The following FREM1 variants were observed in gnomAD, a reference collection of about 807,000 sequenced individuals.
FREM1 encodes the protein FRAS1 related extracellular matrix 1.
Under a neutral mutation model 210.1 loss-of-function variants are expected in FREM1, and 220 were observed. That is an observed-to-expected ratio of 1.05 (90% CI 0.94 to 1.17). The LOEUF is 1.17. FREM1 is among the 50% of genes most tolerant of loss of function. The probability of loss-of-function intolerance (pLI) is 0.00; values close to 1 mark genes in which losing one functional copy is unlikely to be tolerated. For missense variants in FREM1, 3,454 were observed against 2,675.5 expected (o/e 1.29, Z -6.42); for synonymous variants, 1,189 against 980.2 (o/e 1.21, Z -3.98).
intron 1 of FREM1, among the ~76,000 whole-genome samples, chr9:14,883,848 C>T (rs926544623): frequency 6.6e-6 from 1 of 152,202 alleles, no homozygotes; most frequent in Non-Finnish European, 1.5e-5. Context: ...TGGGCACCCT[C>T]AGGGTCGGCA....
chr9:14,771,223 A>G (rs1315482197), intron 25 of FREM1, among the ~76,000 whole-genome samples: 1 of 152,208 alleles, frequency 6.6e-6, no homozygotes, highest in East Asian at 1.9e-4. Context: ...TGTTAACTCC[A>G]CAGAAGAACT....
intron 2 of FREM1, among the ~76,000 whole-genome samples, chr9:14,867,183 C>T (rs1176523348): frequency 6.6e-6 from 1 of 152,144 alleles, no homozygotes; most frequent in African/African-American, 2.4e-5. Context: ...CGACCCCAGT[C>T]CCTGTAGTTG....
At chr9:14,887,660 A>G (rs932916579) in intron 1 of FREM1, among the ~76,000 whole-genome samples, 1 of 152,126 alleles carries the variant, frequency 6.6e-6, no homozygotes, top group African/African-American at 2.4e-5. Context: ...AACAATTTTT[A>G]GTCTCCCCTA....
intron 1 of FREM1, among the ~76,000 whole-genome samples, chr9:14,898,594 C>T (rs148816652): frequency 0.015 from 2,333 of 152,156 alleles, 28 homozygotes; most frequent in African/African-American, 0.033. Flanking sequence ...ATACAAAAAT[C>T]AGCCAGGCAT....
At chr9:14,789,227 G>T in intron 22 of FREM1, 113 bp from the exon 23 acceptor site, 3 of 625,394 alleles carry the variant, frequency 4.8e-6, no homozygotes, top group South Asian at 4.9e-5. Flanking sequence ...AATATTTCAG[G>T]GAAATTCCAG....
rs200074353 is a variant in FREM1, at chr9:14,812,770, T to C, written c.2893+42A>G. 55 of 1,564,212 alleles carry C rather than the reference T, an allele frequency of 3.5e-5. No individual in the cohort carries two copies. The African/African-American group carries it at 7.1e-4, about 20-fold the overall frequency. On this transcript the variant is annotated intron_variant, in intron 16 of 36. Coordinates refer to ENST00000380880, the MANE Select transcript of FREM1 (RefSeq NM_001379081.2). ...CCACACTGAGGAGTGGAGACTCTCA[T>C]GTTGCTTGCATTCCCTCACTGGTCA...
intron 27 of FREM1, among the ~76,000 whole-genome samples, chr9:14,767,959 C>A (rs1458352195): frequency 5.3e-5 from 8 of 152,054 alleles, no homozygotes; most frequent in Admixed American, 3.9e-4. Context: ...TAATAGCCAA[C>A]AAAAGCAGGA....
rs1821870424 is a variant in FREM1, at chr9:14,824,063, TAACTAC to T, written c.2125_2130del (p.Val709_Val710del). 1 of 1,593,416 alleles carries T rather than the reference TAACTAC, an allele frequency of 6.3e-7. No homozygotes were observed. The highest frequency in any genetic ancestry group is 8.6e-7 in the Non-Finnish European group (1 of 1,168,882). On this transcript the variant is annotated inframe_deletion, in exon 12 of 37. Transcript: ENST00000380880. ...CTCAGCTCCAGGGCCGTAGGATTCTTAACTACTTTTGGTATGCTGTCCACCATAAAT... is the reference window on the plus strand; with the variant it reads ...CTCAGCTCCAGGGCCGTAGGATTCTTTTTTGGTATGCTGTCCACCATAAAT...
intron 24 of FREM1, among the ~76,000 whole-genome samples, chr9:14,782,793 C>T (rs892570746): frequency 1.3e-5 from 2 of 152,198 alleles, no homozygotes; most frequent in South Asian, 2.1e-4. Context: ...ACTTTACATG[C>T]ATAAGCTCAT....
intron 25 of FREM1, among the ~76,000 whole-genome samples, chr9:14,773,375 G>C (rs974389759): frequency 2.0e-5 from 3 of 152,164 alleles, no homozygotes; most frequent in Admixed American, 6.5e-5. Context: ...TTTACCCATA[G>C]TTGGGAGACT....
intron 20 of FREM1, 38 bp from the exon 21 acceptor site, chr9:14,797,680 G>C: frequency 1.3e-6 from 2 of 1,550,528 alleles, no homozygotes; most frequent in Non-Finnish European, 1.8e-6. Flanking sequence ...TCTTCCTTAT[G>C]ATTGAACCAT....
chr9:14,773,923 T>C (rs981350269), intron 25 of FREM1: 3 of 374,648 alleles, frequency 8.0e-6, no homozygotes, highest in Non-Finnish European at 1.5e-5. Flanking sequence ...GGTTGGACAG[T>C]ACAGAGACTG....
intron 21 of FREM1, among the ~76,000 whole-genome samples, chr9:14,794,512 C>T (rs1851984797): frequency 1.3e-5 from 2 of 152,172 alleles, no homozygotes; most frequent in Admixed American, 1.3e-4. Flanking sequence ...ATGGCAAATT[C>T]CACCACGATC....
At chr9:14,887,300 T>C (rs939472506) in intron 1 of FREM1, among the ~76,000 whole-genome samples, 7 of 128,162 alleles carry the variant, frequency 5.5e-5, no homozygotes, top group Non-Finnish European at 1.0e-4. Context: ...AAAGTAAACA[T>C]TCGAAGTGAC....
chr9:14,873,177 G>T (rs1208582982), intron 1 of FREM1, among the ~76,000 whole-genome samples: 1 of 152,028 alleles, frequency 6.6e-6, no homozygotes, highest in Non-Finnish European at 1.5e-5. Flanking sequence ...GATGATGCTG[G>T]CCTCATAAAA....
intron 34 of FREM1, 29 bp downstream of exon 34, chr9:14,746,894 G>T (rs1428329039): frequency 6.2e-7 from 1 of 1,607,312 alleles, no homozygotes; most frequent in Middle Eastern, 2.0e-4. Context: ...TGCGAATAAA[G>T]GTGCTTGGCT....
intron 20 of FREM1, among the ~76,000 whole-genome samples, chr9:14,801,037 C>A (rs1237527636): frequency 1.3e-5 from 2 of 152,108 alleles, no homozygotes; most frequent in African/African-American, 4.8e-5. Flanking sequence ...GTCGCCCAGG[C>A]TGGAAGTCTG....
At chr9:14,792,691 G>A (rs763896928) in intron 22 of FREM1, 52 bp downstream of exon 22, 6 of 1,400,766 alleles carry the variant, frequency 4.3e-6, no homozygotes, top group Admixed American at 4.5e-5. Context: ...ATATTGAGAA[G>A]ATTTATACCT....
At chr9:14,800,325 GGAAA>G (rs1379152725) in intron 20 of FREM1, among the ~76,000 whole-genome samples, 5 of 152,082 alleles carry the variant, frequency 3.3e-5, no homozygotes, top group African/African-American at 1.2e-4. Context: ...TTACAGGCTG[GGAAA>G]AGAAAACACC....
Sources: allele counts gnomAD v4.1 joint callset (sites outside exome capture counted in the v4.1 genomes callset), GRCh38; gene constraint gnomAD v4.1.1; transcripts MANE v1.5; gene names NCBI Gene and HGNC (gene_info 2026-07-23, HGNC 2026-07-21).